PPL: variants seen among roughly 807,000 people sequenced by gnomAD.
The protein encoded by PPL is periplakin.
In PPL, 198 loss-of-function variants were observed where a neutral mutation model predicts 194.4. That is an observed-to-expected ratio of 1.02 (90% confidence interval 0.91 to 1.15). The LOEUF (loss-of-function observed/expected upper bound fraction) is 1.15. PPL is among the 50% of genes most tolerant of loss of function. The pLI is 0.00. For missense variants in PPL, 2,885 were observed against 2,294.8 expected, an observed-to-expected ratio of 1.26 and a Z score of -5.25; for synonymous variants, 1,220 against 972.4, an observed-to-expected ratio of 1.25 and a Z score of -4.74.
Position 4,883,350 on chromosome 16 carries a change from C to T in PPL, c.*34G>A, listed in dbSNP as rs755869098. 1.4e-5 allele frequency: 23 copies of T among 1,610,924 alleles called. No homozygotes were observed. Among genetic ancestry groups the T allele is most frequent in the South Asian group, 5.5e-5 (5 of 90,936 alleles). ...TCACTGCGTCGTAGGAGAGGGCCAGCGTCTGCCGTTACGAAGAGTTGCAAG... is the reference window on the plus strand; with the variant it reads ...TCACTGCGTCGTAGGAGAGGGCCAGTGTCTGCCGTTACGAAGAGTTGCAAG... On this transcript the variant is annotated 3_prime_UTR_variant, in exon 22 of 22. Coordinates refer to ENST00000345988, the MANE Select transcript of PPL (RefSeq NM_002705.5). This position sits in a 1 kb window ranked among gnomAD's most constrained non-coding sequence, Gnocchi z 4.8.
At chr16:4,922,046 C>CT (rs767505639) in intron 1 of PPL, among the ~76,000 whole-genome samples, 2 of 152,176 alleles carry the variant, frequency 1.3e-5, no homozygotes, top group Non-Finnish European at 1.5e-5. Context: ...GTCTCTCTTC[C>CT]TGCTTTAATT....
rs565389159 is a variant in PPL at position 4,902,901 on chromosome 16, C to T, written c.318-375G>A. Among the ~76,000 whole-genome samples the T allele has an allele frequency of 6.6e-6, 1 of 152,300 alleles. No homozygotes were observed. The highest frequency in any genetic ancestry group is 2.4e-5 in the African/African-American group (1 of 41,572). On this transcript the variant is annotated intron_variant, in intron 3 of 21. Coordinates refer to ENST00000345988, the MANE Select transcript of PPL (RefSeq NM_002705.5). The surrounding 1 kb of genome is among the most constrained non-coding windows in gnomAD (Gnocchi z 4.0). ...ACGGGGTTTCACCATGTTGGTCAGG[C>T]TGGTCTCGAACTCCTGACCTCAGGT... is the stretch of plus-strand genomic sequence containing the variant.
Position 4,886,040 on chromosome 16 carries a change from T to G in PPL, c.2615A>C (p.Glu872Ala). The change falls in exon 22 of 22, where the codon GAA becomes GCA. Residue 872 changes from glutamate (E) to alanine (A), a missense_variant. By Grantham distance (107) the Glu-to-Ala change is moderately radical. Coordinates refer to ENST00000345988, the MANE Select transcript of PPL (RefSeq NM_002705.5). ...CAGGGTCTCATGGGTCACTTCTACT[T>G]CCGGCTGCTGTGATGGAGAAGACAA... Reference protein sequence around the residue: ...FALNLLRQQPEVEVTHETLQR... With the variant: ...FALNLLRQQPAVEVTHETLQR... 1 of 1,613,904 alleles carries G rather than the reference T, an allele frequency of 6.2e-7. No homozygotes were observed.
Position 4,916,685 on chromosome 16 carries a change from T to C in PPL, c.63-5736A>G, listed in dbSNP as rs1183074335. 2.8e-5 allele frequency among the ~76,000 whole-genome samples: 4 copies of C among 140,810 alleles called. No homozygotes were observed. The Admixed American group carries it at 2.9e-4, about 10-fold the overall frequency. The allele number at this position is 140,810 out of a possible 152,430, so 92.4% of individuals were successfully genotyped here. A position where few individuals can be genotyped will look rare whatever the true frequency, so the allele number is the denominator to read the frequency against. On this transcript the variant is annotated intron_variant, in intron 1 of 21. Coordinates refer to ENST00000345988, the MANE Select transcript of PPL (RefSeq NM_002705.5). ...GTGCCCAGCTAATTTTTTTTTTTTT[T>C]CAGAGAGGGAGGTTTCGCCATGTTG... is the stretch of plus-strand genomic sequence containing the variant.
In PPL at chr16:4,890,184, C is replaced by T. The variant is rs200056274; in HGVS notation, c.2313G>A (p.Lys771=). ...SQMETKLKNQ[K]NLLDEIASRE... is the part of the protein sequence containing the mutation. ...GGGGCTGCGGAAACGGCCATCTCACCTTCTGGTTCTTCAGCTTGGTCTCCA... is the reference window on the plus strand; with the variant it reads ...GGGGCTGCGGAAACGGCCATCTCACTTTCTGGTTCTTCAGCTTGGTCTCCA... Residue 771 remains lysine, a splice_region_variant and synonymous_variant, in exon 18 of 22, where the codon AAG becomes AAA. Transcript: ENST00000345988. The T allele has an allele frequency of 1.2e-4, 190 of 1,614,028 alleles. 2 individuals are homozygous for T. The Middle Eastern group carries it at 1.7e-3, about 14-fold the overall frequency.
intron 9 of PPL, among the ~76,000 whole-genome samples, chr16:4,896,857 A>T (rs1168933334): frequency 1.3e-5 from 2 of 150,374 alleles, no homozygotes; most frequent in Non-Finnish European, 1.5e-5. Context: ...CTGGTCTTGA[A>T]CTCCTGACCT....
At chr16:4,920,362 A>G (rs1348437603) in intron 1 of PPL, among the ~76,000 whole-genome samples, 3 of 72,384 alleles carry the variant, frequency 4.1e-5, no homozygotes, top group African/African-American at 8.7e-5. Flanking sequence ...AAAGAAAGAA[A>G]GAAAGAAAGG....
intron 16 of PPL, chr16:4,891,577 T>C: frequency 2.0e-6 from 1 of 509,072 alleles, no homozygotes; most frequent in South Asian, 3.1e-5. Context: ...CTACACTGGC[T>C]ATTGCAGATA....
At chr16:4,889,547 G>A (rs900704273) in intron 18 of PPL, among the ~76,000 whole-genome samples, 4 of 151,870 alleles carry the variant, frequency 2.6e-5, no homozygotes, top group Admixed American at 1.3e-4. Context: ...GTGAGCCACC[G>A]CGCCCAGCCA....
At position 4,889,106 on chromosome 16, in the gene PPL, T is replaced by G. The variant is rs763241536; in HGVS notation, c.2314-45A>C. The G allele has an allele frequency of 3.2e-6, 5 of 1,539,246 alleles. No individual in the cohort carries two copies. The African/African-American group carries it at 6.8e-5, about 21-fold the overall frequency. ...AATCAAAACTAACCAGAAAAAAAATTTAAAAAAGCAACCATGGATGCAGTA... is the reference window on the plus strand; with the variant it reads ...AATCAAAACTAACCAGAAAAAAAATGTAAAAAAGCAACCATGGATGCAGTA... On this transcript the variant is annotated intron_variant, in intron 18 of 21. Transcript: ENST00000345988.
intron 2 of PPL, among the ~76,000 whole-genome samples, chr16:4,908,980 C>T (rs955022966): frequency 6.6e-6 from 1 of 152,248 alleles, no homozygotes. Context: ...AAATCCACCA[C>T]CACAGGGGGC....
chr16:4,889,157 A>G, intron 18 of PPL, 96 bp from the exon 19 acceptor site: 5 of 940,154 alleles, frequency 5.3e-6, no homozygotes, highest in Non-Finnish European at 8.5e-6. Flanking sequence ...ATCTGAATTT[A>G]TTCTTCTCTA....
chr16:4,903,831 C>A lies in PPL; in HGVS notation c.317+55G>T, dbSNP rs143352875. On this transcript the variant is annotated intron_variant, in intron 3 of 21. Transcript: ENST00000345988. ...CCCAAATGCTGAACAGGACCCCCCG[C>A]CCTGGCCCATAGCCCCCAATGGCTC... The A allele has an allele frequency of 1.9e-3, 3,083 of 1,601,356 alleles. 49 individuals carry two copies. The African/African-American group carries it at 0.036, about 19-fold the overall frequency.
intron 1 of PPL, among the ~76,000 whole-genome samples, chr16:4,932,407 G>A (rs1056573254): frequency 9.3e-5 from 14 of 150,920 alleles, no homozygotes; most frequent in African/African-American, 3.4e-4. Context: ...GCTCAGTCAT[G>A]AATCTTTTTT....
At chr16:4,908,119 A>C (rs2088735420) in intron 2 of PPL, among the ~76,000 whole-genome samples, 1 of 147,664 alleles carries the variant, frequency 6.8e-6, no homozygotes, top group Non-Finnish European at 1.5e-5. Flanking sequence ...CCGAGATAGC[A>C]CCACTGCACT....
chr16:4,910,771 C>G, intron 2 of PPL, 79 bp downstream of exon 2: 6 of 1,266,876 alleles, frequency 4.7e-6, no homozygotes, highest in Non-Finnish European at 6.9e-6. Context: ...TGAGAATCAC[C>G]GATTCCAAAC....
At chr16:4,897,862 G>T in intron 8 of PPL, 92 bp from the exon 9 acceptor site, 1 of 1,003,246 alleles carries the variant, frequency 1.0e-6, no homozygotes, top group Non-Finnish European at 1.5e-6. Context: ...GGCATGGCGG[G>T]GGAGGGAGGC....
At chr16:4,926,404 G>A (rs1338938261) in intron 1 of PPL, among the ~76,000 whole-genome samples, 1 of 152,130 alleles carries the variant, frequency 6.6e-6, no homozygotes, top group Non-Finnish European at 1.5e-5. Flanking sequence ...GATATGAATT[G>A]TCCACATGCT....
rs1212648451 is a variant in PPL, at chr16:4,884,414, C to T, written c.4241G>A (p.Arg1414Lys). ...CCGCTGTACCTCGCGCTCGGCCTCC[C>T]TGCGGGCCTGCCGCTCGCGCTCTAG... is the stretch of plus-strand genomic sequence containing the variant. Reference protein sequence around the residue: ...EELERERQARREAEREVQRLQ... With the variant: ...EELERERQARKEAEREVQRLQ... The change falls in exon 22 of 22, where the codon AGG (arginine) becomes AAG (lysine). Residue 1414 changes from arginine (R) to lysine (K), a missense_variant. Arg to Lys is a conservative substitution (Grantham distance 26, BLOSUM62 2). Transcript: ENST00000345988. This position sits in a 1 kb window ranked among gnomAD's most constrained non-coding sequence, Gnocchi z 5.7. 6 of 1,605,208 alleles carry T rather than the reference C, an allele frequency of 3.7e-6. No individual in the cohort carries two copies. In the East Asian group the frequency reaches 6.7e-5, roughly 18 times the overall value.
Sources: allele counts gnomAD v4.1 joint callset (sites outside exome capture counted in the v4.1 genomes callset), GRCh38; gene constraint gnomAD v4.1.1; non-coding constraint Gnocchi (gnomAD v3.1); transcripts MANE v1.5; gene names NCBI Gene and HGNC (gene_info 2026-07-23, HGNC 2026-07-21).